The following CTDSPL2 variants were observed in gnomAD, a reference collection of about 807,000 sequenced individuals.
The protein encoded by CTDSPL2 is CTD small phosphatase like 2.
Under a neutral mutation model 60.0 loss-of-function variants are expected in CTDSPL2, and 5 were observed. That is an observed-to-expected ratio of 0.08 (90% CI 0.04 to 0.18). The LOEUF (loss-of-function observed/expected upper bound fraction) is 0.18, where lower values mean the gene tolerates loss of function less well. CTDSPL2 is among the 10% of genes least tolerant of loss of function. The pLI, the probability that CTDSPL2 is intolerant of heterozygous loss-of-function variation, is 1.00. For missense variants in CTDSPL2, 370 were observed against 548.8 expected (o/e 0.67, Z 3.26); for synonymous variants, 186 against 189.3 (o/e 0.98, Z 0.14).
intron 2 of CTDSPL2, among the ~76,000 whole-genome samples, chr15:44,478,587 C>G (rs2080967319): frequency 6.8e-6 from 1 of 147,000 alleles, no homozygotes; most frequent in East Asian, 2.0e-4. Context: ...CACATTTTTT[C>G]TTGGTTATTT....
At chr15:44,460,356 C>T (rs2080541852) in intron 2 of CTDSPL2, among the ~76,000 whole-genome samples, 1 of 152,194 alleles carries the variant, frequency 6.6e-6, no homozygotes, top group Admixed American at 6.5e-5. Flanking sequence ...GATTCGTCCG[C>T]CTCGGCCTCC....
At chr15:44,428,133 T>C (rs2079784194) in intron 1 of CTDSPL2, 1 of 154,998 alleles carries the variant, frequency 6.5e-6, no homozygotes, top group Admixed American at 6.5e-5. Context: ...TTAACCTTTT[T>C]GGCCCACCTC....
chr15:44,500,800 A>G (rs60080081), intron 8 of CTDSPL2, among the ~76,000 whole-genome samples: 1 of 152,170 alleles, frequency 6.6e-6, no homozygotes, highest in African/African-American at 2.4e-5. Context: ...TACTTTGTCT[A>G]GTAATGAGTT....
At chr15:44,457,656 A>T (rs183032128) in intron 1 of CTDSPL2, among the ~76,000 whole-genome samples, 2 of 152,180 alleles carry the variant, frequency 1.3e-5, no homozygotes, top group East Asian at 3.9e-4. Flanking sequence ...CTGTTGCCCA[A>T]GCTGGAGTGC....
chr15:44,479,915 G>GTAGT (rs1446745397), intron 2 of CTDSPL2, among the ~76,000 whole-genome samples: 1 of 152,128 alleles, frequency 6.6e-6, no homozygotes, highest in Non-Finnish European at 1.5e-5. Context: ...AGAAAGTTAT[G>GTAGT]TAGTTCAGGG....
intron 4 of CTDSPL2, among the ~76,000 whole-genome samples, chr15:44,488,443 A>G (rs1366937438): frequency 6.6e-6 from 1 of 152,210 alleles, no homozygotes; most frequent in Non-Finnish European, 1.5e-5. Context: ...TTCAAGGAAA[A>G]TAAAGTTCCT....
intron 1 of CTDSPL2, 69 bp downstream of exon 1, chr15:44,427,841 GCCGGGATCT>G (rs1287899376): frequency 3.0e-5 from 12 of 396,444 alleles, no homozygotes; most frequent in Non-Finnish European, 5.3e-5. Flanking sequence ...AGGGCCGTCT[GCCGGGATCT>G]CCTCCCCTTC....
intron 8 of CTDSPL2, among the ~76,000 whole-genome samples, chr15:44,506,827 C>T (rs1352837275): frequency 3.3e-5 from 5 of 151,966 alleles, no homozygotes; most frequent in Non-Finnish European, 7.4e-5. Context: ...AATGCAGTGG[C>T]ACAATCTTGG....
At chr15:44,444,838 T>TTTG (rs2080173307) in intron 1 of CTDSPL2, among the ~76,000 whole-genome samples, 1 of 105,894 alleles carries the variant, frequency 9.4e-6, no homozygotes, top group Non-Finnish European at 1.9e-5. Flanking sequence ...GGAATGTAGT[T>TTTG]TTTTTTTTTT....
intron 8 of CTDSPL2, 144 bp downstream of exon 8, chr15:44,499,957 AT>A: frequency 1.8e-6 from 1 of 545,796 alleles, no homozygotes; most frequent in Non-Finnish European, 3.3e-6. Flanking sequence ...TTAATGATTT[AT>A]TAACAAAATT....
At chr15:44,508,980 T>C (rs1410554183) in intron 8 of CTDSPL2, among the ~76,000 whole-genome samples, 2 of 152,134 alleles carry the variant, frequency 1.3e-5, no homozygotes, top group African/African-American at 2.4e-5. Flanking sequence ...TAGAAATGTT[T>C]TTCCTAAAAA....
intron 8 of CTDSPL2, among the ~76,000 whole-genome samples, chr15:44,500,384 C>T (rs2081365995): frequency 6.6e-6 from 1 of 152,136 alleles, no homozygotes. Flanking sequence ...ATATCATTAA[C>T]ATTTCACTGT....
chr15:44,435,112 T>C (rs1172846789), intron 1 of CTDSPL2, among the ~76,000 whole-genome samples: 1 of 151,432 alleles, frequency 6.6e-6, no homozygotes, highest in Non-Finnish European at 1.5e-5. Context: ...ATACAAAAAT[T>C]AGCTGGGCGC....
intron 1 of CTDSPL2, 121 bp from the exon 2 acceptor site, chr15:44,458,868 GTC>G (rs1000934975): frequency 3.0e-5 from 16 of 533,166 alleles, no homozygotes; most frequent in Non-Finnish European, 4.6e-5. Context: ...GTCTCCTAGA[GTC>G]TAGGACTTTT....
At chr15:44,444,941 G>C (rs1172182401) in intron 1 of CTDSPL2, among the ~76,000 whole-genome samples, 1 of 140,370 alleles carries the variant, frequency 7.1e-6, no homozygotes, top group Non-Finnish European at 1.5e-5. Flanking sequence ...TCCACCTCCC[G>C]GGTTCACACC....
chr15:44,496,147 C>T (rs1320863012), intron 5 of CTDSPL2, among the ~76,000 whole-genome samples: 1 of 152,146 alleles, frequency 6.6e-6, no homozygotes, highest in Non-Finnish European at 1.5e-5. Flanking sequence ...AGCTGATAAA[C>T]ATCTTAATTC....
chr15:44,454,531 G>A (rs920612375), intron 1 of CTDSPL2, among the ~76,000 whole-genome samples: 53 of 152,142 alleles, frequency 3.5e-4, no homozygotes, highest in Admixed American at 4.6e-4. Context: ...TATTGCCTAG[G>A]TTTTCTTCTA....
chr15:44,442,937 G>C (rs1242066503), intron 1 of CTDSPL2, among the ~76,000 whole-genome samples: 1 of 150,922 alleles, frequency 6.6e-6, no homozygotes, highest in Non-Finnish European at 1.5e-5. Context: ...TGAACCTGCC[G>C]CTGCACTCCA....
rs145429476 is a variant in CTDSPL2 at position 44,442,105 on chromosome 15, C to T, written c.-25+14333C>T. ...TTTTGTCATCTTTTCCCAGTCTCCT[C>T]TCAACCTTGCTTATTCTTCTATTTC... On this transcript the variant is annotated intron_variant, in intron 1 of 12. Transcript: ENST00000260327. 2.8e-3 allele frequency among the ~76,000 whole-genome samples: 422 copies of T among 152,266 alleles called. 2 individuals carry two copies. The highest frequency in any genetic ancestry group is 5.2e-3 in the Non-Finnish European group (352 of 68,024).
Sources: allele counts gnomAD v4.1 joint callset (sites outside exome capture counted in the v4.1 genomes callset), GRCh38; gene constraint gnomAD v4.1.1; transcripts MANE v1.5; gene names NCBI Gene and HGNC (gene_info 2026-07-23, HGNC 2026-07-21).